Variants in AGPAT2 observed in about 807,000 individuals in gnomAD.
AGPAT2 encodes 1-acylglycerol-3-phosphate O-acyltransferase 2, also known as 1-acyl-sn-glycerol-3-phosphate acyltransferase beta.
Under a neutral mutation model 26.1 loss-of-function variants are expected in AGPAT2, and 18 were observed. The observed-to-expected ratio is 0.69, with a 90% CI of 0.48 to 1.02. The LOEUF (loss-of-function observed/expected upper bound fraction) is 1.02, where lower values mean the gene tolerates loss of function less well. AGPAT2 is among the 50% of genes least tolerant of loss of function. The probability of loss-of-function intolerance (pLI) is 0.00; values close to 1 mark genes in which losing one functional copy is unlikely to be tolerated. For synonymous variants in AGPAT2, 200 were observed against 174.2 expected (o/e 1.15, Z -1.16); for missense variants, 415 against 394.9 (o/e 1.05, Z -0.43).
rs536050498 is a variant in AGPAT2, at chr9:136,678,045, C to T, written c.183-489G>A. On this transcript the variant is annotated intron_variant, in intron 1 of 5. Transcript: ENST00000371696. ...GGCCACATCAGGAAGAAAGTGTCGG[C>T]GCCAGTGGAGACCTCTGAAACGACC... 2.0e-5 allele frequency among the ~76,000 whole-genome samples: 3 copies of T among 152,312 alleles called. No individual in the cohort carries two copies. In the East Asian group the frequency reaches 5.8e-4, roughly 29 times the overall value.
chr9:136,682,142 G>A (rs73570540), intron 1 of AGPAT2, among the ~76,000 whole-genome samples: 128 of 152,282 alleles, frequency 8.4e-4, no homozygotes, highest in African/African-American at 2.7e-3. Context: ...ACCCTGCTTC[G>A]GAGCTGGCAG....
At position 136,674,805 on chromosome 9, in the gene AGPAT2, C is replaced by G; in HGVS notation, c.591G>C (p.Val197=). ...AAGAGTACACCACGGGGACGATGGG[C>G]ACCTGCAGGCAGGGAGACGCACAGC... ...GAFYLAVQAQ[V]PIVPVVYSSF... The change falls in exon 5 of 6, where the codon GTG becomes GTC. Residue 197 remains valine (V), a splice_region_variant and synonymous_variant. Coordinates refer to ENST00000371696, the MANE Select transcript of AGPAT2 (RefSeq NM_006412.4). The G allele has an allele frequency of 1.3e-6, 2 of 1,546,450 alleles. No individual in the cohort carries two copies. The highest frequency in any genetic ancestry group is 2.5e-5 in the East Asian group (1 of 40,388).
chr9:136,676,485 A>G, intron 4 of AGPAT2, 100 bp downstream of exon 4: 1 of 935,270 alleles, frequency 1.1e-6, no homozygotes. Context: ...CTTGTGTGTC[A>G]AGGGTCCTCA....
rs114985510 is a variant in AGPAT2, at chr9:136,681,053, G to A, written c.183-3497C>T. 6.8e-3 allele frequency among the ~76,000 whole-genome samples: 1,032 copies of A among 151,684 alleles called. 7 individuals are homozygous for A. The highest frequency in any genetic ancestry group is 0.024 in the African/African-American group (999 of 41,266). Reference sequence around the variant, plus strand: ...AGCACACGGTTCCGTGGCACTCGGCGCATTCACTGCCGTGTGGCCAGCACC... The same window carrying A: ...AGCACACGGTTCCGTGGCACTCGGCACATTCACTGCCGTGTGGCCAGCACC... On this transcript the variant is annotated intron_variant, in intron 1 of 5. Coordinates refer to ENST00000371696, the MANE Select transcript of AGPAT2 (RefSeq NM_006412.4).
intron 1 of AGPAT2, among the ~76,000 whole-genome samples, chr9:136,681,309 C>T (rs1364998949): frequency 6.6e-6 from 1 of 152,194 alleles, no homozygotes; most frequent in African/African-American, 2.4e-5. Context: ...GAGGCTGTGG[C>T]TCTCTAGAAC....
At chr9:136,683,259 G>T (rs1190722577) in intron 1 of AGPAT2, among the ~76,000 whole-genome samples, 2 of 152,102 alleles carry the variant, frequency 1.3e-5, no homozygotes, top group African/African-American at 4.8e-5. Context: ...GAAGCAAAAG[G>T]CCCCTCAATG....
At chr9:136,678,329 A>G (rs1485389170) in intron 1 of AGPAT2, among the ~76,000 whole-genome samples, 2 of 152,198 alleles carry the variant, frequency 1.3e-5, no homozygotes, top group Non-Finnish European at 2.9e-5. Flanking sequence ...TTGTCCAAGC[A>G]GCCCGTCATG....
intron 1 of AGPAT2, among the ~76,000 whole-genome samples, chr9:136,681,715 T>C (rs1354641636): frequency 2.0e-5 from 3 of 152,050 alleles, no homozygotes; most frequent in African/African-American, 4.8e-5. Context: ...GGCGGGAGAA[T>C]CACCCGAACC....
In AGPAT2 at chr9:136,677,563, G is replaced by A. The variant is rs1335629250; in HGVS notation, c.183-7C>T. 3 of 1,612,910 alleles carry A rather than the reference G, an allele frequency of 1.9e-6. No homozygotes were observed. The highest frequency in any genetic ancestry group is 1.7e-6 in the Non-Finnish European group (2 of 1,179,924). Reference sequence around the variant, plus strand: ...CACGAACCAGCCGATGATGCTGCAGGGGAGGCCACCATGAACACGGGTCCC... The same window carrying A: ...CACGAACCAGCCGATGATGCTGCAGAGGAGGCCACCATGAACACGGGTCCC... On this transcript the variant is annotated splice_polypyrimidine_tract_variant and splice_region_variant and intron_variant, in intron 1 of 5. Transcript: ENST00000371696.
At chr9:136,680,803 AC>A (rs1239964937) in intron 1 of AGPAT2, among the ~76,000 whole-genome samples, 1 of 151,314 alleles carries the variant, frequency 6.6e-6, no homozygotes, top group African/African-American at 2.4e-5. Flanking sequence ...AGTAGTTGGG[AC>A]TACTGGTGTG....
chr9:136,687,435 C>T lies in AGPAT2; in HGVS notation c.-78G>A. On this transcript the variant is annotated 5_prime_UTR_variant, in exon 1 of 6. Coordinates refer to ENST00000371696, the MANE Select transcript of AGPAT2 (RefSeq NM_006412.4). ...GCTTCTCCCCCGCGCGCTCAGGCCC[C>T]TTATTGCGAGGGCGGCGGGGCTGGG... is the stretch of plus-strand genomic sequence containing the variant. The T allele has an allele frequency of 2.4e-6, 3 of 1,262,270 alleles. No homozygotes were observed. The highest frequency in any genetic ancestry group is 3.0e-6 in the Non-Finnish European group (3 of 986,702). The allele number at this position is 1,262,270 out of a possible 1,614,324, so 78.2% of individuals were successfully genotyped here.
rs760821476 is a variant in AGPAT2, at chr9:136,677,567, G to A, written c.183-11C>T. On this transcript the variant is annotated splice_polypyrimidine_tract_variant and intron_variant, in intron 1 of 5. Transcript: ENST00000371696. The stretch of plus-strand genomic sequence containing the variant: ...AACCAGCCGATGATGCTGCAGGGGA[G>A]GCCACCATGAACACGGGTCCCACAG... The A allele has an allele frequency of 6.2e-7, 1 of 1,612,902 alleles. No individual in the cohort carries two copies. The highest frequency in any genetic ancestry group is 8.5e-7 in the Non-Finnish European group (1 of 1,179,918).
At chr9:136,677,644 G>A (rs1294519001) in intron 1 of AGPAT2, 88 bp from the exon 2 acceptor site, 2 of 1,530,470 alleles carry the variant, frequency 1.3e-6, no homozygotes, top group African/African-American at 2.7e-5. Context: ...GTGTGGAGGA[G>A]GCTGGGGAGG....
At chr9:136,677,223 G>C (rs1364478018) in intron 2 of AGPAT2, 87 bp from the exon 3 acceptor site, 26 of 1,540,454 alleles carry the variant, frequency 1.7e-5, no homozygotes, top group Non-Finnish European at 2.1e-5. Context: ...GGCCTGCCTG[G>C]CACCCTGCCT....
At chr9:136,680,361 G>A (rs1846143427) in intron 1 of AGPAT2, among the ~76,000 whole-genome samples, 1 of 152,102 alleles carries the variant, frequency 6.6e-6, no homozygotes, top group South Asian at 2.1e-4. Flanking sequence ...TGAGTAGCTG[G>A]GATTACAGGT....
At chr9:136,683,793 C>G (rs561056108) in intron 1 of AGPAT2, among the ~76,000 whole-genome samples, 1 of 152,208 alleles carries the variant, frequency 6.6e-6, no homozygotes, top group Non-Finnish European at 1.5e-5. Context: ...ACCAAGGTCA[C>G]GGTCTCCCTT....
At chr9:136,681,668 G>A (rs1846162980) in intron 1 of AGPAT2, among the ~76,000 whole-genome samples, 1 of 152,130 alleles carries the variant, frequency 6.6e-6, no homozygotes, top group Non-Finnish European at 1.5e-5. Context: ...CAGACGTGGT[G>A]GCAGCTGCCT....
In AGPAT2 at chr9:136,675,351, A is replaced by AG. The variant is rs1339717488; in HGVS notation, c.589-545dup. ...AGCAGGTAGGCTGGGGACTGGCAGC[A>AG]GGAAGGGAGGGGGCCAGCAGGTAGG... On this transcript the variant is annotated intron_variant, in intron 4 of 5. Coordinates refer to ENST00000371696, the MANE Select transcript of AGPAT2 (RefSeq NM_006412.4). Among the ~76,000 whole-genome samples the AG allele has an allele frequency of 5.2e-4, 56 of 108,632 alleles. 18 individuals are homozygous for AG. The highest frequency in any genetic ancestry group is 1.9e-3 in the South Asian group (6 of 3,164). 71.3% of individuals were successfully genotyped at this position (108,632 alleles called of 152,430 possible).
At chr9:136,685,505 T>C (rs1846210777) in intron 1 of AGPAT2, among the ~76,000 whole-genome samples, 1 of 152,206 alleles carries the variant, frequency 6.6e-6, no homozygotes, top group African/African-American at 2.4e-5. Context: ...AGGCCGCCGA[T>C]GAAGAGGCCC....
Sources: allele counts gnomAD v4.1 joint callset (sites outside exome capture counted in the v4.1 genomes callset), GRCh38; gene constraint gnomAD v4.1.1; transcripts MANE v1.5; gene names NCBI Gene and HGNC (gene_info 2026-07-23, HGNC 2026-07-21).